The following RPSA2 variants were observed in gnomAD, a reference collection of about 807,000 sequenced individuals.
The protein encoded by RPSA2 is ribosomal protein SA 2.
At chr19:23,808,930 C>T in the RPSA2 span, 199 of 299,906 alleles carry the variant, frequency 6.6e-4, no homozygotes, top group African/African-American at 3.8e-3. Context: ...TCTGGAAAGC[C>T]TGAAATTTTT....
At chr19:23,831,274 C>T in the RPSA2 span, among the ~76,000 whole-genome samples, 1 of 152,064 alleles carries the variant, frequency 6.6e-6, no homozygotes, top group Non-Finnish European at 1.5e-5. Flanking sequence ...AAACAGAAAC[C>T]AAGAGTTAGG....
chr19:23,761,901 A>C, the RPSA2 span, among the ~76,000 whole-genome samples: 5 of 34,022 alleles, frequency 1.5e-4, 1 homozygote, highest in Admixed American at 3.8e-4. Context: ...GGGTAACGTA[A>C]TTCTTTCTTT....
the RPSA2 span, chr19:23,832,521 A>G: frequency 1.1e-5 from 7 of 651,716 alleles, no homozygotes; most frequent in Admixed American, 5.9e-5. Context: ...CTTACTATAT[A>G]TAAGATAATT....
At chr19:23,798,895 C>A in the RPSA2 span, 2 of 149,564 alleles carry the variant, frequency 1.3e-5, no homozygotes, top group Non-Finnish European at 3.0e-5. Context: ...GTATATTCCA[C>A]TATATTAACA....
At chr19:23,766,143 C>CTTTTTT in the RPSA2 span, among the ~76,000 whole-genome samples, 1 of 29,382 alleles carries the variant, frequency 3.4e-5, no homozygotes, top group Non-Finnish European at 7.2e-5. Context: ...ATTTCATTTC[C>CTTTTTT]TTTTTTTTTT....
At chr19:23,797,014 T>C in the RPSA2 span, among the ~76,000 whole-genome samples, 1 of 147,088 alleles carries the variant, frequency 6.8e-6, no homozygotes, top group Non-Finnish European at 1.5e-5. Context: ...TCTTTCAAAC[T>C]TTTTTAGCAT....
At chr19:23,849,825 C>T in the RPSA2 span, among the ~76,000 whole-genome samples, 2 of 152,046 alleles carry the variant, frequency 1.3e-5, no homozygotes, top group Non-Finnish European at 2.9e-5. Flanking sequence ...ACAATCTTCC[C>T]AAATTAAAGT....
the RPSA2 span, among the ~76,000 whole-genome samples, chr19:23,773,283 TATA>T: frequency 1.1e-4 from 6 of 54,924 alleles, no homozygotes; most frequent in African/African-American, 4.0e-4. Flanking sequence ...TATATATATA[TATA>T]TCAAATTTTT....
chr19:23,759,856 A>G, the RPSA2 span, among the ~76,000 whole-genome samples: 1 of 152,040 alleles, frequency 6.6e-6, no homozygotes, highest in Non-Finnish European at 1.5e-5. Context: ...AAATAAACAG[A>G]CACAAAAGCA....
the RPSA2 span, among the ~76,000 whole-genome samples, chr19:23,834,940 G>T: frequency 5.3e-5 from 8 of 151,670 alleles, no homozygotes; most frequent in African/African-American, 1.7e-4. Context: ...AATTTCTGTG[G>T]ATATATGTTT....
the RPSA2 span, chr19:23,782,504 A>G: frequency 6.6e-6 from 1 of 152,136 alleles, no homozygotes; most frequent in African/African-American, 2.4e-5. Flanking sequence ...GCTCAGGTAA[A>G]TGCCCTTTAT....
the RPSA2 span, among the ~76,000 whole-genome samples, chr19:23,837,980 T>G: frequency 6.6e-6 from 1 of 152,180 alleles, no homozygotes; most frequent in East Asian, 1.9e-4. Context: ...CAGGACTATG[T>G]TGAAGAGGAG....
the RPSA2 span, among the ~76,000 whole-genome samples, chr19:23,775,879 G>C: frequency 6.6e-6 from 1 of 152,174 alleles, no homozygotes; most frequent in Admixed American, 6.5e-5. Flanking sequence ...AAGAACTGGG[G>C]TATATACAGG....
At chr19:23,775,899 G>A in the RPSA2 span, among the ~76,000 whole-genome samples, 1 of 152,194 alleles carries the variant, frequency 6.6e-6, no homozygotes, top group African/African-American at 2.4e-5. Context: ...GATTGTTAAT[G>A]TCATCCCTGG....
chr19:23,814,686 T>G, the RPSA2 span, among the ~76,000 whole-genome samples: 1 of 152,192 alleles, frequency 6.6e-6, no homozygotes, highest in South Asian at 2.1e-4. Context: ...TGAAAAACTA[T>G]TATTTTTTGA....
the RPSA2 span, among the ~76,000 whole-genome samples, chr19:23,761,930 T>TCCTTCCTTCCTTCCTTC: frequency 1.9e-4 from 24 of 127,432 alleles, no homozygotes; most frequent in Admixed American, 3.5e-4. Context: ...CTTTTTTTTT[T>TCCTTCCTTCCTTCCTTC]TTTTTGAGAT....
At chr19:23,856,035 G>A in the RPSA2 span, among the ~76,000 whole-genome samples, 7 of 152,142 alleles carry the variant, frequency 4.6e-5, no homozygotes, top group Non-Finnish European at 1.0e-4. Context: ...AGTCACCAGA[G>A]TTAGATATTG....
chr19:23,837,795 T>G, the RPSA2 span, among the ~76,000 whole-genome samples: 2 of 152,218 alleles, frequency 1.3e-5, no homozygotes, highest in Non-Finnish European at 2.9e-5. Flanking sequence ...TTTGTGTACA[T>G]TAATCTTGTA....
the RPSA2 span, among the ~76,000 whole-genome samples, chr19:23,787,716 G>C: frequency 1.3e-5 from 2 of 152,286 alleles, no homozygotes; most frequent in South Asian, 4.1e-4. Flanking sequence ...AGGAAGAATC[G>C]TGACCTTTCA....
Sources: allele counts gnomAD v4.1 joint callset (sites outside exome capture counted in the v4.1 genomes callset), GRCh38; gene constraint gnomAD v4.1.1; transcripts MANE v1.5; gene names NCBI Gene and HGNC (gene_info 2026-07-23, HGNC 2026-07-21).